The following COBL variants were observed in gnomAD, a reference collection of about 807,000 sequenced individuals.
COBL encodes protein cordon-bleu.
A neutral mutation model predicts 98.8 loss-of-function variants in COBL; 51 were observed. That is an observed-to-expected ratio of 0.52 (90% CI 0.41 to 0.65). The LOEUF (loss-of-function observed/expected upper bound fraction) is 0.65, where lower values mean the gene tolerates loss of function less well. COBL is among the 30% of genes least tolerant of loss of function. The pLI, the probability that COBL is intolerant of heterozygous loss-of-function variation, is 0.00. For missense variants in COBL, 1,617 were observed against 1,617.5 expected (o/e 1.00, Z 0.01); for synonymous variants, 634 against 651.7 (o/e 0.97, Z 0.41).
At position 51,305,208 on chromosome 7, in the gene COBL, A is replaced by G. The variant is rs1453816687; in HGVS notation, c.41+11385T>C. On this transcript the variant is annotated intron_variant, in intron 1 of 12. Coordinates refer to ENST00000265136, the MANE Select transcript of COBL (RefSeq NM_015198.5). ...ATTATAAAAACACCGCCCTAAGTAA[A>G]AAATGTTACACAAATGAAGTGCATC... is the stretch of plus-strand genomic sequence containing the variant. Among the ~76,000 whole-genome samples, 3 of 152,230 alleles carry G rather than the reference A, an allele frequency of 2.0e-5. No individual in the cohort carries two copies. In the East Asian group the frequency reaches 5.8e-4, roughly 29 times the overall value.
intron 7 of COBL, among the ~76,000 whole-genome samples, chr7:51,074,575 G>T (rs1792880431): frequency 6.6e-6 from 1 of 152,184 alleles, no homozygotes; most frequent in African/African-American, 2.4e-5. Flanking sequence ...TAAACCCAAA[G>T]AGAAGTTCTT....
chr7:51,223,727 C>A (rs1255503429), intron 1 of COBL, among the ~76,000 whole-genome samples: 1 of 152,212 alleles, frequency 6.6e-6, no homozygotes, highest in Non-Finnish European at 1.5e-5. Flanking sequence ...CAGGCCTGGG[C>A]ACACACATAG....
chr7:51,168,078 TAAAAGCTTCTACACGGCA>T lies in COBL; in HGVS notation c.783+16006_783+16023del, dbSNP rs558975909. On this transcript the variant is annotated intron_variant, in intron 5 of 12. Transcript: ENST00000265136. ...TGAACAAGTGGGATCACATCAAGTT[TAAAAGCTTCTACACGGCA>T]AAGGAAACAACCCACAAAATGAAGA... 2.5e-3 allele frequency among the ~76,000 whole-genome samples: 378 copies of T among 152,154 alleles called. 1 individual carries two copies. Among genetic ancestry groups the T allele is most frequent in the Admixed American group, 4.0e-3 (61 of 15,290 alleles).
chr7:51,178,567 A>AG (rs1788634092), intron 5 of COBL, among the ~76,000 whole-genome samples: 1 of 152,230 alleles, frequency 6.6e-6, no homozygotes, highest in South Asian at 2.1e-4. Flanking sequence ...CAATAAAAAA[A>AG]GAAGAGAGAG....
intron 6 of COBL, among the ~76,000 whole-genome samples, chr7:51,093,539 C>T (rs546676898): frequency 6.6e-6 from 1 of 152,342 alleles, no homozygotes; most frequent in African/African-American, 2.4e-5. Context: ...CAAAAGACAT[C>T]TGCACTTCTA....
intron 1 of COBL, among the ~76,000 whole-genome samples, chr7:51,300,944 G>C (rs1801890367): frequency 6.6e-6 from 1 of 152,132 alleles, no homozygotes; most frequent in Non-Finnish European, 1.5e-5. Flanking sequence ...AGTGTGCACT[G>C]GGCTGTGTGA....
intron 1 of COBL, among the ~76,000 whole-genome samples, chr7:51,296,361 C>T (rs1801417359): frequency 6.6e-6 from 1 of 152,088 alleles, no homozygotes; most frequent in Admixed American, 6.6e-5. Context: ...GACAATCATA[C>T]ACATATTATT....
intron 2 of COBL, among the ~76,000 whole-genome samples, chr7:51,214,780 AAATT>A (rs1380003893): frequency 6.6e-6 from 1 of 152,196 alleles, no homozygotes; most frequent in Non-Finnish European, 1.5e-5. Context: ...TGTTTGAAGA[AAATT>A]AATACTGCGA....
intron 1 of COBL, among the ~76,000 whole-genome samples, chr7:51,223,735 T>C (rs1793889310): frequency 6.6e-6 from 1 of 152,198 alleles, no homozygotes; most frequent in African/African-American, 2.4e-5. Context: ...GGCACACACA[T>C]AGCTGAGATC....
chr7:51,020,391 G>A (rs1050450605), intron 12 of COBL, among the ~76,000 whole-genome samples: 1 of 152,164 alleles, frequency 6.6e-6, no homozygotes, highest in African/African-American at 2.4e-5. Flanking sequence ...TCCTCTGGCT[G>A]AGAGGTCCTG....
At chr7:51,243,297 A>G (rs1795973844) in intron 1 of COBL, among the ~76,000 whole-genome samples, 2 of 152,136 alleles carry the variant, frequency 1.3e-5, no homozygotes, top group Admixed American at 1.3e-4. Flanking sequence ...CTGGGGTGTG[A>G]CTTCCTGTCC....
At chr7:51,222,655 G>A (rs1471545370) in intron 1 of COBL, among the ~76,000 whole-genome samples, 2 of 151,884 alleles carry the variant, frequency 1.3e-5, no homozygotes, top group Non-Finnish European at 2.9e-5. Context: ...ACCACCCTTT[G>A]GTCTAGGGGT....
chr7:51,068,707 A>C (rs1792221491), intron 7 of COBL, among the ~76,000 whole-genome samples: 1 of 152,192 alleles, frequency 6.6e-6, no homozygotes, highest in South Asian at 2.1e-4. Context: ...TTCTTTGTAC[A>C]TATGCAGTTT....
intron 1 of COBL, among the ~76,000 whole-genome samples, chr7:51,279,368 T>C (rs1799603676): frequency 6.6e-6 from 1 of 152,264 alleles, no homozygotes; most frequent in South Asian, 2.1e-4. Flanking sequence ...TAATTCTGTT[T>C]CCTCTTTGTT....
intron 3 of COBL, among the ~76,000 whole-genome samples, chr7:51,191,542 G>GAT (rs139645519): frequency 0.024 from 3,618 of 148,452 alleles, 139 homozygotes; most frequent in African/African-American, 0.083. Context: ...TATGTACATA[G>GAT]ATATATATAT....
intron 6 of COBL, among the ~76,000 whole-genome samples, chr7:51,087,653 C>T (rs6958224): frequency 0.66 from 100,608 of 151,756 alleles, 34,687 homozygotes; most frequent in African/African-American, 0.87. Context: ...TTTGTATTTT[C>T]AGTGGAGATG....
chr7:51,136,431 G>A, intron 5 of COBL, 100 bp from the exon 6 acceptor site: 1 of 1,241,184 alleles, frequency 8.1e-7, no homozygotes, highest in South Asian at 1.6e-5. Context: ...GTCCACCTGA[G>A]CTTGAACGGC....
At chr7:51,043,283 G>T in intron 8 of COBL, 100 bp downstream of exon 8, 2 of 1,202,460 alleles carry the variant, frequency 1.7e-6, no homozygotes, top group Non-Finnish European at 2.4e-6. Context: ...GTGCAGAGCA[G>T]GTTGTGATAG....
At chr7:51,243,560 C>T (rs914894936) in intron 1 of COBL, among the ~76,000 whole-genome samples, 1 of 151,292 alleles carries the variant, frequency 6.6e-6, no homozygotes, top group Non-Finnish European at 1.5e-5. Flanking sequence ...ACCCGTGCCA[C>T]GGGCTAGCCC....
Sources: allele counts gnomAD v4.1 joint callset (sites outside exome capture counted in the v4.1 genomes callset), GRCh38; gene constraint gnomAD v4.1.1; transcripts MANE v1.5; gene names NCBI Gene and HGNC (gene_info 2026-07-23, HGNC 2026-07-21).